PARD3B: variants seen among roughly 807,000 people sequenced by gnomAD.
The protein encoded by PARD3B is partitioning defective 3 homolog B.
PARD3B carries 103 observed loss-of-function variants against 130.2 expected under a neutral mutation model. That is an observed-to-expected ratio of 0.79 (90% confidence interval 0.67 to 0.93). The LOEUF (loss-of-function observed/expected upper bound fraction) is 0.93. Ranked by LOEUF, PARD3B falls within the 40% of genes least tolerant of loss-of-function variation. The pLI is 0.00. For synonymous variants in PARD3B, 583 were observed against 553.2 expected (o/e 1.05, Z -0.76); for missense variants, 1,609 against 1,499.2 (o/e 1.07, Z -1.21).
At chr2:205,245,844 A>T (rs368116423) in intron 16 of PARD3B, 22 bp downstream of exon 16, 23 of 1,557,614 alleles carry the variant, frequency 1.5e-5, no homozygotes, top group Non-Finnish European at 1.6e-5. Context: ...CTTGTAACTG[A>T]CTATATTCCT....
rs769669913 is a variant in PARD3B, at chr2:205,471,353, C to CTTTTTT, written c.3045-28525_3045-28520dup. Among the ~76,000 whole-genome samples, 595 of 85,126 alleles carry CTTTTTT rather than the reference C, an allele frequency of 7.0e-3. 2 individuals carry two copies. The highest frequency in any genetic ancestry group is 9.8e-3 in the Non-Finnish European group (419 of 42,582). The allele number at this position is 85,126 out of a possible 152,430, so 55.8% of individuals were successfully genotyped here. On this transcript the variant is annotated intron_variant, in intron 20 of 22. Transcript: ENST00000406610. ...ACACTATCAGTGCAAACTCACTTTT[C>CTTTTTT]TTTTTTTTTTTTTTTTTTTTTTTCT...
rs200558739 is a variant in PARD3B at position 204,840,533 on chromosome 2, CT to C, written c.223-124608del. ...AGTGAATAAAATAGATGAATTTGTC[CT>C]TTTTTTTTTTAACTATGGTCCTTAG... On this transcript the variant is annotated intron_variant, in intron 2 of 22. Transcript: ENST00000406610. 9.6e-3 allele frequency among the ~76,000 whole-genome samples: 1,406 copies of C among 146,322 alleles called. 10 individuals are homozygous for C. Among genetic ancestry groups the C allele is most frequent in the Admixed American group, 0.02 (297 of 14,602 alleles).
intron 19 of PARD3B, among the ~76,000 whole-genome samples, chr2:205,427,896 A>G (rs1276221094): frequency 1.3e-5 from 2 of 152,228 alleles, no homozygotes; most frequent in East Asian, 3.8e-4. Flanking sequence ...AAAATAGAGC[A>G]ATGAAGACAT....
rs1234448878 is a variant in PARD3B at position 204,645,451 on chromosome 2, GA to G, written c.121-40723del. Among the ~76,000 whole-genome samples the G allele has an allele frequency of 2.1e-4, 32 of 152,114 alleles. 1 individual carries two copies. The highest frequency in any genetic ancestry group is 3.8e-4 in the Non-Finnish European group (26 of 67,928). On this transcript the variant is annotated intron_variant, in intron 1 of 22. Coordinates refer to ENST00000406610, the MANE Select transcript of PARD3B (RefSeq NM_001302769.2). ...ATAAGCAGTTCATTAATTATGTGAA[GA>G]AAAAAATTTTGTTTCATGGGTTTCT...
chr2:204,694,079 A>C (rs911381333), intron 2 of PARD3B, among the ~76,000 whole-genome samples: 1 of 152,066 alleles, frequency 6.6e-6, no homozygotes, highest in African/African-American at 2.4e-5. Context: ...TATCGTTCAC[A>C]TCGTATTATT....
Position 205,582,704 on chromosome 2 carries a change from G to T in PARD3B, c.3260+29301G>T, listed in dbSNP as rs1288744411. Among the ~76,000 whole-genome samples the T allele has an allele frequency of 2.6e-5, 4 of 151,572 alleles. No individual in the cohort carries two copies. The South Asian group carries it at 8.3e-4, about 32-fold the overall frequency. ...TTTTCCTACGTGTCTAGGGAAGAGT[G>T]AGAGAGGCAGGGAAAGGAGATTGGG... On this transcript the variant is annotated intron_variant, in intron 22 of 22. Coordinates refer to ENST00000406610, the MANE Select transcript of PARD3B (RefSeq NM_001302769.2).
chr2:204,589,576 A>T (rs1186422974), intron 1 of PARD3B, among the ~76,000 whole-genome samples: 2 of 151,318 alleles, frequency 1.3e-5, no homozygotes, highest in African/African-American at 4.9e-5. Flanking sequence ...AGGTTCTAGA[A>T]GACCAAATAT....
chr2:205,185,712 T>A, intron 13 of PARD3B, 52 bp from the exon 14 acceptor site: 2 of 1,486,872 alleles, frequency 1.3e-6, no homozygotes. Context: ...AAACCAGGCA[T>A]CGAATGGTTC....
chr2:204,655,842 G>C (rs889277186), intron 1 of PARD3B, among the ~76,000 whole-genome samples: 2 of 152,056 alleles, frequency 1.3e-5, no homozygotes, highest in Non-Finnish European at 2.9e-5. Flanking sequence ...TTCCAGTTTT[G>C]ACTGTGTTTA....
At chr2:204,572,534 G>A (rs2032057998) in intron 1 of PARD3B, among the ~76,000 whole-genome samples, 1 of 152,144 alleles carries the variant, frequency 6.6e-6, no homozygotes, top group African/African-American at 2.4e-5. Context: ...TACAGGGAAT[G>A]GGGCTTTTTA....
chr2:205,078,795 C>T lies in PARD3B; in HGVS notation c.505-25631C>T, dbSNP rs1390409645. ...TCCATCTGATTCCCTTGGGCATTTG[C>T]TCTGGGACAAGCCAGATGCCATGTA... is the stretch of plus-strand genomic sequence containing the variant. On this transcript the variant is annotated intron_variant, in intron 4 of 22. Transcript: ENST00000406610. This position sits in a 1 kb window ranked among gnomAD's most constrained non-coding sequence, Gnocchi z 4.0. 6.6e-6 allele frequency among the ~76,000 whole-genome samples: 1 copy of T among 152,178 alleles called. No individual in the cohort carries two copies. The highest frequency in any genetic ancestry group is 2.4e-5 in the African/African-American group (1 of 41,442).
intron 2 of PARD3B, among the ~76,000 whole-genome samples, chr2:204,827,430 C>A (rs573427687): frequency 6.6e-6 from 1 of 152,196 alleles, no homozygotes; most frequent in South Asian, 2.1e-4. Context: ...GTATAAATGG[C>A]AGTGATAGTT....
intron 4 of PARD3B, among the ~76,000 whole-genome samples, chr2:205,079,274 T>C (rs1192683379): frequency 3.3e-5 from 5 of 152,210 alleles, no homozygotes; most frequent in African/African-American, 9.6e-5. Flanking sequence ...TATTACCTTG[T>C]GTCTTAGTCT....
chr2:204,564,860 T>C (rs189915201), intron 1 of PARD3B, among the ~76,000 whole-genome samples: 1 of 152,356 alleles, frequency 6.6e-6, no homozygotes, highest in African/African-American at 2.4e-5. Context: ...TTTGTAGATA[T>C]ACTACATGAA....
In PARD3B at chr2:205,244,656, A is replaced by C. The variant is rs1363538015; in HGVS notation, c.2141-1122A>C. Among the ~76,000 whole-genome samples, 1 of 152,146 alleles carries C rather than the reference A, an allele frequency of 6.6e-6. No individual in the cohort carries two copies. The highest frequency in any genetic ancestry group is 1.5e-5 in the Non-Finnish European group (1 of 68,030). ...TGGGCCTAGAGTTTTGTTTGTGGGA[A>C]AGTTTTACTTATAAACACATTTTTT... On this transcript the variant is annotated intron_variant, in intron 15 of 22. Transcript: ENST00000406610. The surrounding 1 kb of genome is among the most constrained non-coding windows in gnomAD (Gnocchi z 4.7).
Position 205,092,856 on chromosome 2 carries a change from T to G in PARD3B, c.505-11570T>G, listed in dbSNP as rs145291362. Among the ~76,000 whole-genome samples, 84 of 152,304 alleles carry G rather than the reference T, an allele frequency of 5.5e-4. 1 individual carries two copies. The East Asian group carries it at 0.013, about 24-fold the overall frequency. On this transcript the variant is annotated intron_variant, in intron 4 of 22. Transcript: ENST00000406610. ...GCTTCCAGCGATTGTGGAACTTAGT[T>G]GATTTTAAATATTGGTTTAAATGTA...
intron 16 of PARD3B, among the ~76,000 whole-genome samples, chr2:205,261,247 AAATGAATG>A (rs561942515): frequency 1.4e-4 from 21 of 152,064 alleles, no homozygotes; most frequent in African/African-American, 5.1e-4. Context: ...ATTGTTTGTT[AAATGAATG>A]AATGAATGAA....
At chr2:205,147,056 T>C (rs2033418446) in intron 10 of PARD3B, among the ~76,000 whole-genome samples, 2 of 152,128 alleles carry the variant, frequency 1.3e-5, no homozygotes, top group Non-Finnish European at 2.9e-5. Context: ...GCATGTAAAA[T>C]ATAATACTTA....
intron 20 of PARD3B, among the ~76,000 whole-genome samples, chr2:205,451,538 A>G (rs967256268): frequency 2.0e-4 from 30 of 152,230 alleles, no homozygotes; most frequent in African/African-American, 3.6e-4. Context: ...TTCATAGTAT[A>G]TAGTACTTTC....
Sources: allele counts gnomAD v4.1 joint callset (sites outside exome capture counted in the v4.1 genomes callset), GRCh38; gene constraint gnomAD v4.1.1; non-coding constraint Gnocchi (gnomAD v3.1); transcripts MANE v1.5; gene names NCBI Gene and HGNC (gene_info 2026-07-23, HGNC 2026-07-21).